Variants in MAPKAPK5 observed in about 807,000 individuals in gnomAD.
MAPKAPK5 encodes MAP kinase-activated protein kinase 5.
A neutral mutation model predicts 65.1 loss-of-function variants in MAPKAPK5; 30 were observed. The observed-to-expected ratio is 0.46, with a 90% CI of 0.34 to 0.63. The LOEUF (loss-of-function observed/expected upper bound fraction) is 0.63, where lower values mean the gene tolerates loss of function less well. Ranked by LOEUF, MAPKAPK5 falls within the 20% of genes least tolerant of loss-of-function variation. The pLI is 0.01. For missense variants in MAPKAPK5, 433 were observed against 581.4 expected, an observed-to-expected ratio of 0.74 and a Z score of 2.63; for synonymous variants, 179 against 204.6, an observed-to-expected ratio of 0.87 and a Z score of 1.07.
rs533883878 is a variant in MAPKAPK5, at chr12:111,864,533, A to T, written c.37-717A>T. ...TAATAAATAAGTGAGTGAATGAATT[A>T]ATTAATTAAATTCTTTTTTATCTAA... is the stretch of plus-strand genomic sequence containing the variant. On this transcript the variant is annotated intron_variant, in intron 1 of 13. Coordinates refer to ENST00000550735, the MANE Select transcript of MAPKAPK5 (RefSeq NM_003668.4). Among the ~76,000 whole-genome samples, 26 of 152,222 alleles carry T rather than the reference A, an allele frequency of 1.7e-4. 1 individual carries two copies. The South Asian group carries it at 5.4e-3, about 32-fold the overall frequency.
At chr12:111,882,203 A>G (rs1242225169) in intron 8 of MAPKAPK5, among the ~76,000 whole-genome samples, 1 of 152,086 alleles carries the variant, frequency 6.6e-6, no homozygotes, top group East Asian at 1.9e-4. Context: ...CTGTGGTGAA[A>G]CCCCGTCTCT....
At position 111,897,441 on chromosome 12, in the gene MAPKAPK5, A is replaced by G. The variant is rs2070862186; in HGVS notation, c.*4380A>G. On this transcript the variant is annotated 3_prime_UTR_variant, in exon 14 of 14. Transcript: ENST00000550735. ...TTCAATTTGAGAATTAGAAAATTGGATATTTCATTTTAATTATTTATTTAA... is the reference window on the plus strand; with the variant it reads ...TTCAATTTGAGAATTAGAAAATTGGGTATTTCATTTTAATTATTTATTTAA... 6.6e-6 allele frequency: 1 copy of G among 152,182 alleles called. No individual in the cohort carries two copies. Among genetic ancestry groups the G allele is most frequent in the South Asian group, 2.1e-4 (1 of 4,830 alleles). The allele number at this position is 152,182 out of a possible 1,614,324, so 9.4% of individuals were successfully genotyped here. A position where few individuals can be genotyped will look rare whatever the true frequency, so the allele number is the denominator to read the frequency against.
At chr12:111,878,101 C>A (rs907757631) in intron 7 of MAPKAPK5, among the ~76,000 whole-genome samples, 15 of 151,106 alleles carry the variant, frequency 9.9e-5, no homozygotes, top group African/African-American at 3.4e-4. Context: ...CAGTCTGTGG[C>A]TTATCTTTTC....
Position 111,883,433 on chromosome 12 carries a change from G to T in MAPKAPK5, c.661-148G>T. On this transcript the variant is annotated intron_variant, in intron 8 of 13. Coordinates refer to ENST00000550735, the MANE Select transcript of MAPKAPK5 (RefSeq NM_003668.4). This position sits in a 1 kb window ranked among gnomAD's most constrained non-coding sequence, Gnocchi z 4.8. ...TGGAGATAAAGACTAGTTCTCCTAA[G>T]ACTTCCTTCAGCTTTCCTAGTCTCT... 1.6e-6 allele frequency: 1 copy of T among 618,986 alleles called. No homozygotes were observed. 38.3% of individuals were successfully genotyped at this position (618,986 alleles called of 1,614,324 possible). A position where few individuals can be genotyped will look rare whatever the true frequency, so the allele number is the denominator to read the frequency against.
chr12:111,864,827 G>C (rs1466790632), intron 1 of MAPKAPK5, among the ~76,000 whole-genome samples: 1 of 152,098 alleles, frequency 6.6e-6, no homozygotes, highest in Admixed American at 6.5e-5. Context: ...AACTTGTTCA[G>C]GGATATAGGC....
intron 8 of MAPKAPK5, among the ~76,000 whole-genome samples, chr12:111,881,600 T>C (rs762899439): frequency 1.5e-4 from 23 of 151,372 alleles, no homozygotes; most frequent in Non-Finnish European, 2.9e-4. Flanking sequence ...GAGATGAGGA[T>C]TCACCATGTT....
intron 5 of MAPKAPK5, among the ~76,000 whole-genome samples, chr12:111,869,926 C>A (rs2069729573): frequency 6.6e-6 from 1 of 152,178 alleles, no homozygotes; most frequent in Non-Finnish European, 1.5e-5. Flanking sequence ...CATTGCTCAG[C>A]TTAGGTGTTT....
intron 12 of MAPKAPK5, chr12:111,889,627 C>T (rs1287203037): frequency 5.7e-6 from 1 of 175,514 alleles, no homozygotes; most frequent in Non-Finnish European, 1.2e-5. Context: ...ATCTATCTCC[C>T]TAGATTCCTT....
At chr12:111,867,064 G>A (rs560939143) in intron 3 of MAPKAPK5, among the ~76,000 whole-genome samples, 1 of 152,164 alleles carries the variant, frequency 6.6e-6, no homozygotes, top group South Asian at 2.1e-4. Context: ...TGAGTAGCTG[G>A]GACCACAGGC....
intron 1 of MAPKAPK5, among the ~76,000 whole-genome samples, chr12:111,847,622 A>G (rs2068946236): frequency 6.6e-6 from 1 of 151,552 alleles, no homozygotes; most frequent in African/African-American, 2.4e-5. Flanking sequence ...TATAGTTTGT[A>G]CATCATAAAA....
At position 111,902,140 on chromosome 12, in the gene MAPKAPK5, C is replaced by G. The variant is rs2071088355; in HGVS notation, c.*9079C>G. On this transcript the variant is annotated 3_prime_UTR_variant, in exon 14 of 14. Coordinates refer to ENST00000550735, the MANE Select transcript of MAPKAPK5 (RefSeq NM_003668.4). ...ACAGTTGTTTATGTGATTGGTTGTT[C>G]TAACTTGCCCTATAAATGTGCATTC... 1 of 152,174 alleles carries G rather than the reference C, an allele frequency of 6.6e-6. No homozygotes were observed. 9.4% of individuals were successfully genotyped at this position (152,174 alleles called of 1,614,324 possible). A position where few individuals can be genotyped will look rare whatever the true frequency, so the allele number is the denominator to read the frequency against.
intron 1 of MAPKAPK5, among the ~76,000 whole-genome samples, chr12:111,861,130 C>T (rs918852954): frequency 5.9e-5 from 9 of 151,496 alleles, no homozygotes; most frequent in African/African-American, 2.2e-4. Flanking sequence ...GCACACCAGC[C>T]TGGGCAACAA....
chr12:111,864,017 C>A (rs1450012126), intron 1 of MAPKAPK5, among the ~76,000 whole-genome samples: 1 of 151,992 alleles, frequency 6.6e-6, no homozygotes, highest in Non-Finnish European at 1.5e-5. Context: ...GCCTGTAACC[C>A]CAGCTATTTG....
intron 1 of MAPKAPK5, among the ~76,000 whole-genome samples, chr12:111,847,386 A>T (rs537393826): frequency 5.9e-5 from 9 of 151,768 alleles, no homozygotes; most frequent in Non-Finnish European, 5.9e-5. Flanking sequence ...AAATGGCTGT[A>T]AGTGGAGGCT....
At chr12:111,866,942 T>C (rs2069634233) in intron 3 of MAPKAPK5, among the ~76,000 whole-genome samples, 1 of 152,124 alleles carries the variant, frequency 6.6e-6, no homozygotes, top group Non-Finnish European at 1.5e-5. Flanking sequence ...TTTTTGTTTC[T>C]GTTTGAAACC....
chr12:111,891,476 T>A (rs1013834831), intron 13 of MAPKAPK5, among the ~76,000 whole-genome samples: 1 of 151,402 alleles, frequency 6.6e-6, no homozygotes, highest in African/African-American at 2.4e-5. Context: ...TGGAGGAGAT[T>A]CACTTCCCTG....
At chr12:111,878,932 C>G (rs2070093796) in intron 7 of MAPKAPK5, among the ~76,000 whole-genome samples, 1 of 152,152 alleles carries the variant, frequency 6.6e-6, no homozygotes, top group Non-Finnish European at 1.5e-5. Context: ...TATAATAATT[C>G]TTGAAATCAG....
intron 2 of MAPKAPK5, 30 bp from the exon 3 acceptor site, chr12:111,866,126 C>T (rs747819954): frequency 6.0e-6 from 9 of 1,507,500 alleles, no homozygotes; most frequent in Non-Finnish European, 8.2e-6. Flanking sequence ...CATATATGAT[C>T]TCTGATTGAT....
At chr12:111,888,239 T>C (rs1045281137) in intron 10 of MAPKAPK5, 1 of 398,944 alleles carries the variant, frequency 2.5e-6, no homozygotes, top group Admixed American at 4.3e-5. Flanking sequence ...TATTTCTTAC[T>C]CGCATTTCTG....
Sources: gnomAD v4.1 joint callset for allele counts (sites outside exome capture counted in the v4.1 genomes callset) on GRCh38, gnomAD v4.1.1 for gene constraint, Gnocchi (gnomAD v3.1) non-coding constraint, MANE v1.5 for transcripts, NCBI Gene and HGNC (gene_info 2026-07-23, HGNC 2026-07-21) for gene names.